BAZ2A: variants seen among roughly 807,000 people sequenced by gnomAD.
BAZ2A encodes bromodomain adjacent to zinc finger domain 2A.
Under a neutral mutation model 199.9 loss-of-function variants are expected in BAZ2A, and 34 were observed. The observed-to-expected ratio is 0.17, with a 90% CI of 0.13 to 0.23. The LOEUF (loss-of-function observed/expected upper bound fraction) is 0.23. Among genes scored for constraint, BAZ2A ranks in the 10% least tolerant of loss-of-function variants. BAZ2A has a pLI of 1.00. For missense variants in BAZ2A, 2,002 were observed against 2,391.1 expected (o/e 0.84, Z 3.39); for synonymous variants, 857 against 883.9 (o/e 0.97, Z 0.54).
At chr12:56,632,461 T>G (rs1951339688), upstream of BAZ2A, among the ~76,000 whole-genome samples, 2 of 152,078 alleles carry the variant, frequency 1.3e-5, no homozygotes, top group South Asian at 4.2e-4. Context: ...CCTGCGCCCG[T>G]CAGACGGGTG....
chr12:56,605,046 G>C, intron 14 of BAZ2A, 27 bp downstream of exon 14: 2 of 1,558,652 alleles, frequency 1.3e-6, no homozygotes, highest in Non-Finnish European at 1.7e-6. Flanking sequence ...ACTTGTCCTG[G>C]TTACTTTGGG....
chr12:56,627,614 C>A (rs937837178), intron 1 of BAZ2A, among the ~76,000 whole-genome samples: 6 of 151,630 alleles, frequency 4.0e-5, no homozygotes, highest in South Asian at 2.1e-4. Flanking sequence ...CACTTGAGCC[C>A]AGGAGTTCAA....
intron 1 of BAZ2A, among the ~76,000 whole-genome samples, chr12:56,629,618 G>A (rs1305728644): frequency 3.3e-5 from 5 of 152,172 alleles, no homozygotes; most frequent in East Asian, 1.9e-4. Flanking sequence ...GAATGGGTGC[G>A]CTCCCCGAGG....
intron 1 of BAZ2A, among the ~76,000 whole-genome samples, chr12:56,619,038 A>T (rs1175446475): frequency 6.6e-6 from 1 of 151,694 alleles, no homozygotes; most frequent in Non-Finnish European, 1.5e-5. Context: ...TCTACAAAAC[A>T]TTTTAAAAGT....
At position 56,617,550 on chromosome 12, in the gene BAZ2A, G is replaced by A. The variant is rs1420088382; in HGVS notation, c.-2-18C>T. On this transcript the variant is annotated intron_variant, in intron 1 of 28. Coordinates refer to ENST00000549884, the MANE Select transcript of BAZ2A (RefSeq NM_001300905.2). ...CTCCATTTCTGCAGGAGGGGAGAGA[G>A]AGGGAAAAAAAATACTGGCGGTTAA... 7.5e-6 allele frequency: 12 copies of A among 1,591,122 alleles called. No individual in the cohort carries two copies. The highest frequency in any genetic ancestry group is 5.4e-5 in the Admixed American group (3 of 55,388).
At chr12:56,633,300 C>A (rs927519374), upstream of BAZ2A, among the ~76,000 whole-genome samples, 3 of 152,134 alleles carry the variant, frequency 2.0e-5, no homozygotes, top group African/African-American at 7.2e-5. Flanking sequence ...CCCTCTCCCC[C>A]ACCAGATACT....
At position 56,630,285 on chromosome 12, in the gene BAZ2A, G is replaced by T. The variant is rs1290162375; in HGVS notation, c.-163C>A. On this transcript the variant is annotated 5_prime_UTR_variant, in exon 1 of 29. Transcript: ENST00000549884. Reference sequence around the variant, plus strand: ...AGGGGGAGGGGGACGCGGCTCAACCGCGGGGCCCGAGAGGAGCCAACATGG... The same window carrying T: ...AGGGGGAGGGGGACGCGGCTCAACCTCGGGGCCCGAGAGGAGCCAACATGG... 8.1e-6 allele frequency: 8 copies of T among 984,850 alleles called. No individual in the cohort carries two copies. The highest frequency in any genetic ancestry group is 4.7e-5 in the South Asian group (1 of 21,270). The allele number at this position is 984,850 out of a possible 1,614,324, so 61.0% of individuals were successfully genotyped here.
chr12:56,638,236 A>T, upstream of BAZ2A: 4 of 1,112,786 alleles, frequency 3.6e-6, no homozygotes, highest in Non-Finnish European at 5.3e-6. Flanking sequence ...TATATCTTCA[A>T]TCAAGGCTCT....
intron 1 of BAZ2A, among the ~76,000 whole-genome samples, chr12:56,617,744 C>T (rs1195131003): frequency 1.3e-5 from 2 of 152,114 alleles, no homozygotes; most frequent in Non-Finnish European, 2.9e-5. Flanking sequence ...TCTTTTAAAG[C>T]CAGCTTTGTA....
intron 11 of BAZ2A, 52 bp downstream of exon 11, chr12:56,606,581 G>C (rs1049138627): frequency 6.6e-7 from 1 of 1,515,388 alleles, no homozygotes; most frequent in Non-Finnish European, 9.2e-7. Flanking sequence ...AAAAGATGAA[G>C]TAAGTTGTAG....
At position 56,630,155 on chromosome 12, in the gene BAZ2A, G is replaced by C. The variant is rs1165242815; in HGVS notation, c.-33C>G. 1 of 985,468 alleles carries C rather than the reference G, an allele frequency of 1.0e-6. No individual in the cohort carries two copies. Among genetic ancestry groups the C allele is most frequent in the Non-Finnish European group, 1.2e-6 (1 of 830,034 alleles). The allele number at this position is 985,468 out of a possible 1,614,324, so 61.0% of individuals were successfully genotyped here. A position where few individuals can be genotyped will look rare whatever the true frequency, so the allele number is the denominator to read the frequency against. ...GCAGCGGCGTCCAGCCGGGCTCGGGGCTCGTCTCTCCCCGGGGTACAAGCG... is the reference window on the plus strand; with the variant it reads ...GCAGCGGCGTCCAGCCGGGCTCGGGCCTCGTCTCTCCCCGGGGTACAAGCG... On this transcript the variant is annotated 5_prime_UTR_variant, in exon 1 of 29. Transcript: ENST00000549884.
intron 5 of BAZ2A, 58 bp downstream of exon 5, chr12:56,612,957 T>TA: frequency 6.6e-7 from 1 of 1,521,396 alleles, no homozygotes; most frequent in South Asian, 1.2e-5. Flanking sequence ...CTATGAAACT[T>TA]ATTCTCTCAT....
chr12:56,636,089 A>C, intron 1 of BAZ2A: 1 of 1,421,886 alleles, frequency 7.0e-7, no homozygotes. Context: ...TCAGCCCCCA[A>C]ATGAGCAAAG....
chr12:56,631,567 CAAGA>C (rs1365383447), upstream of BAZ2A, among the ~76,000 whole-genome samples: 2 of 151,758 alleles, frequency 1.3e-5, no homozygotes, highest in East Asian at 3.9e-4. Context: ...TAAAATATGA[CAAGA>C]AAGGAAACCA....
At chr12:56,633,867 G>T (rs1413545174), upstream of BAZ2A, among the ~76,000 whole-genome samples, 1 of 152,122 alleles carries the variant, frequency 6.6e-6, no homozygotes, top group Non-Finnish European at 1.5e-5. Flanking sequence ...ATAGTAGCTG[G>T]GATTACAGGC....
chr12:56,604,839 A>C, intron 14 of BAZ2A, 40 bp from the exon 15 acceptor site: 1 of 1,589,484 alleles, frequency 6.3e-7, no homozygotes, highest in East Asian at 2.2e-5. Context: ...GTAGGGAAAG[A>C]TGCACAACCA....
At chr12:56,608,177 C>A (rs1328172165) in intron 10 of BAZ2A, among the ~76,000 whole-genome samples, 1 of 151,626 alleles carries the variant, frequency 6.6e-6, no homozygotes, top group Non-Finnish European at 1.5e-5. Context: ...TCGAGACCAT[C>A]CTGGCTAACA....
intron 1 of BAZ2A, among the ~76,000 whole-genome samples, chr12:56,618,528 C>T (rs181614488): frequency 1.3e-5 from 2 of 152,184 alleles, no homozygotes; most frequent in East Asian, 3.9e-4. Flanking sequence ...CTTGTGACAT[C>T]CTAGTGCATA....
chr12:56,601,150 A>C (rs778001155), intron 21 of BAZ2A, 30 bp downstream of exon 21: 153 of 1,613,846 alleles, frequency 9.5e-5, no homozygotes, highest in Non-Finnish European at 1.2e-4. Context: ...CACTGCCCAC[A>C]CCGGATGCCC....
Sources: gnomAD v4.1 joint callset for allele counts (sites outside exome capture counted in the v4.1 genomes callset) on GRCh38, gnomAD v4.1.1 for gene constraint, MANE v1.5 for transcripts, NCBI Gene and HGNC (gene_info 2026-07-23, HGNC 2026-07-21) for gene names.